KLF12: variants seen among roughly 807,000 people sequenced by gnomAD.
KLF12 encodes the protein Krueppel-like factor 12.
A neutral mutation model predicts 37.8 loss-of-function variants in KLF12; 9 were observed. That is an observed-to-expected ratio of 0.24 (90% CI 0.14 to 0.42). The LOEUF is 0.42. KLF12 is among the 10% of genes least tolerant of loss of function. The pLI is 1.00. For missense variants in KLF12, 411 were observed against 516.0 expected (o/e 0.80, Z 1.97); for synonymous variants, 208 against 202.1 (o/e 1.03, Z -0.25).
chr13:74,000,680 T>C (rs78490571), intron 1 of KLF12, among the ~76,000 whole-genome samples: 2,684 of 152,246 alleles, frequency 0.018, 57 homozygotes, highest in African/African-American at 0.057. Flanking sequence ...GCTCACTGAA[T>C]ACACAGCCCA....
At chr13:73,708,278 G>A (rs1875099867) in intron 7 of KLF12, among the ~76,000 whole-genome samples, 1 of 152,122 alleles carries the variant, frequency 6.6e-6, no homozygotes, top group Non-Finnish European at 1.5e-5. Flanking sequence ...ATATTATACA[G>A]GATTACCTAC....
chr13:73,936,211 AG>A (rs1889917499), intron 3 of KLF12, among the ~76,000 whole-genome samples: 1 of 152,162 alleles, frequency 6.6e-6, no homozygotes, highest in South Asian at 2.1e-4. Flanking sequence ...ATTCAGCACT[AG>A]ATCGTGTATT....
At chr13:73,941,270 T>C (rs1593761698) in intron 3 of KLF12, among the ~76,000 whole-genome samples, 1 of 152,134 alleles carries the variant, frequency 6.6e-6, no homozygotes, top group Non-Finnish European at 1.5e-5. Flanking sequence ...CAAAAGTCCA[T>C]AATCAGCTGG....
the KLF12 span, among the ~76,000 whole-genome samples, chr13:74,229,411 T>C: frequency 6.6e-6 from 1 of 152,220 alleles, no homozygotes; most frequent in Non-Finnish European, 1.5e-5. Context: ...TCACGAGTTC[T>C]ACCTGCACTT....
intron 3 of KLF12, among the ~76,000 whole-genome samples, chr13:73,865,789 C>G (rs1392008480): frequency 6.6e-6 from 1 of 151,978 alleles, no homozygotes; most frequent in Non-Finnish European, 1.5e-5. Context: ...GTCTACAAAA[C>G]CAAACAAAAA....
At chr13:74,242,413 G>C in the KLF12 span, among the ~76,000 whole-genome samples, 1 of 152,170 alleles carries the variant, frequency 6.6e-6, no homozygotes, top group Non-Finnish European at 1.5e-5. Flanking sequence ...TGAGAACCAA[G>C]TGAAAGAGGA....
At chr13:74,039,674 G>A (rs917378779) in intron 1 of KLF12, among the ~76,000 whole-genome samples, 67 of 152,128 alleles carry the variant, frequency 4.4e-4, no homozygotes, top group Admixed American at 2.0e-4. Flanking sequence ...AGTACTTCTG[G>A]AAATAGGGGG....
At chr13:73,735,271 C>G (rs1456933068) in intron 6 of KLF12, among the ~76,000 whole-genome samples, 1 of 152,040 alleles carries the variant, frequency 6.6e-6, no homozygotes, top group Non-Finnish European at 1.5e-5. Context: ...GCACTCCAGT[C>G]TGGGTGACAG....
intron 1 of KLF12, among the ~76,000 whole-genome samples, chr13:74,130,449 A>C (rs1426414554): frequency 2.6e-5 from 4 of 152,182 alleles, no homozygotes; most frequent in Non-Finnish European, 5.9e-5. Context: ...GCTTGAGGCC[A>C]GGAATTCAGG....
intron 2 of KLF12, among the ~76,000 whole-genome samples, chr13:73,947,813 C>T (rs1271246879): frequency 6.6e-6 from 1 of 152,146 alleles, no homozygotes; most frequent in African/African-American, 2.4e-5. Flanking sequence ...GACCAGAACT[C>T]ATAAAAACAT....
upstream of KLF12, among the ~76,000 whole-genome samples, chr13:74,134,325 A>G (rs1316686483): frequency 6.6e-6 from 1 of 151,218 alleles, no homozygotes; most frequent in African/African-American, 2.4e-5. Context: ...CTCGCTCAGC[A>G]GGCGCTAAGT....
intron 3 of KLF12, among the ~76,000 whole-genome samples, chr13:73,861,240 C>T (rs886402945): frequency 6.6e-6 from 1 of 151,990 alleles, no homozygotes; most frequent in East Asian, 1.9e-4. Context: ...AATGCATGTA[C>T]CCCATTCTTG....
intron 4 of KLF12, among the ~76,000 whole-genome samples, chr13:73,826,989 C>A (rs1273442842): frequency 6.6e-6 from 1 of 152,118 alleles, no homozygotes; most frequent in Non-Finnish European, 1.5e-5. Context: ...CCACATTGCC[C>A]AGACTGATCT....
chr13:74,105,983 TA>T (rs2138895856), intron 1 of KLF12, among the ~76,000 whole-genome samples: 1 of 152,306 alleles, frequency 6.6e-6, no homozygotes, highest in East Asian at 1.9e-4. Flanking sequence ...TTGTCAGCTT[TA>T]AAAAGAAATG....
At chr13:74,025,778 AAC>A (rs1241399923) in intron 1 of KLF12, among the ~76,000 whole-genome samples, 3 of 152,164 alleles carry the variant, frequency 2.0e-5, no homozygotes, top group African/African-American at 7.2e-5. Flanking sequence ...AAGTAAATGA[AAC>A]ACATTTGACT....
intron 4 of KLF12, among the ~76,000 whole-genome samples, chr13:73,841,870 G>A (rs1056640201): frequency 6.6e-5 from 10 of 152,084 alleles, no homozygotes; most frequent in Admixed American, 2.0e-4. Context: ...CTTGGGAGAC[G>A]TTTCCTGACA....
chr13:74,171,369 C>T, the KLF12 span, among the ~76,000 whole-genome samples: 1 of 152,150 alleles, frequency 6.6e-6, no homozygotes, highest in Non-Finnish European at 1.5e-5. Flanking sequence ...ACGTTCCACA[C>T]ATCCAGTTAG....
intron 2 of KLF12, chr13:73,960,508 TA>T (rs1282801177): frequency 1.0e-5 from 2 of 195,772 alleles, no homozygotes; most frequent in Admixed American, 5.4e-5. Flanking sequence ...ATGGTTGGGA[TA>T]AAAAAAACAA....
At chr13:74,162,452 T>C in the KLF12 span, among the ~76,000 whole-genome samples, 1 of 152,374 alleles carries the variant, frequency 6.6e-6, no homozygotes, top group East Asian at 1.9e-4. Context: ...TTAGGCCAGA[T>C]GCTTAAAATT....
Sources: allele counts gnomAD v4.1 joint callset (sites outside exome capture counted in the v4.1 genomes callset), GRCh38; gene constraint gnomAD v4.1.1; transcripts MANE v1.5; gene names NCBI Gene and HGNC (gene_info 2026-07-23, HGNC 2026-07-21).